Variants in RAB11FIP4 observed in about 807,000 individuals in gnomAD.
RAB11FIP4 encodes RAB11 family interacting protein 4.
RAB11FIP4 carries 23 observed loss-of-function variants against 74.3 expected under a neutral mutation model. The ratio of observed to expected loss-of-function variants is 0.31; its 90% CI spans 0.22 to 0.44. RAB11FIP4 has a LOEUF of 0.44. Ranked by LOEUF, RAB11FIP4 falls within the 20% of genes least tolerant of loss-of-function variation. The probability of loss-of-function intolerance (pLI) is 1.00; values close to 1 mark genes in which losing one functional copy is unlikely to be tolerated. For synonymous variants in RAB11FIP4, 360 were observed against 359.9 expected (o/e 1.00, Z 0.00); for missense variants, 630 against 863.9 (o/e 0.73, Z 3.39).
chr17:31,525,143 C>G lies in RAB11FIP4; in HGVS notation c.1187C>G (p.Ala396Gly). 6.5e-7 allele frequency: 1 copy of G among 1,550,036 alleles called. No individual in the cohort carries two copies. The highest frequency in any genetic ancestry group is 8.7e-7 in the Non-Finnish European group (1 of 1,147,034). The stretch of plus-strand genomic sequence containing the variant: ...GATCAGGAGACCACGGCCGAGCAGG[C>G]TCTGGAGGAGGAGGCGCGGCGCCAC... ...VKDQETTAEQ[A>G]LEEEARRHRE... Residue 396 changes from alanine to glycine, a missense_variant, in exon 10 of 15, where the codon GCT becomes GGT. Transcript: ENST00000621161.
intron 3 of RAB11FIP4, among the ~76,000 whole-genome samples, chr17:31,451,600 T>G (rs945619859): frequency 4.0e-5 from 6 of 151,884 alleles, no homozygotes; most frequent in Non-Finnish European, 8.8e-5. Flanking sequence ...ACCTTGCCCC[T>G]CCCAGATTCC....
chr17:31,447,277 C>A (rs1343539585), intron 3 of RAB11FIP4, among the ~76,000 whole-genome samples: 1 of 152,066 alleles, frequency 6.6e-6, no homozygotes, highest in Non-Finnish European at 1.5e-5. Context: ...GAGCGTGAGA[C>A]TCCGTCTCAA....
intron 1 of RAB11FIP4, among the ~76,000 whole-genome samples, chr17:31,409,377 A>C (rs2071072056): frequency 6.6e-6 from 1 of 152,178 alleles, no homozygotes; most frequent in African/African-American, 2.4e-5. Flanking sequence ...TGTTTCAACG[A>C]TGCTTGCTAT....
intron 1 of RAB11FIP4, among the ~76,000 whole-genome samples, chr17:31,400,568 C>T (rs1031264605): frequency 6.6e-6 from 1 of 152,192 alleles, no homozygotes; most frequent in Admixed American, 6.5e-5. Context: ...CGGGGAGAGG[C>T]AGGGAGACCA....
rs1054409930 is a variant in RAB11FIP4 at position 31,523,629 on chromosome 17, G to A, written c.1029+18G>A. The A allele has an allele frequency of 6.2e-7, 1 of 1,604,760 alleles. No individual in the cohort carries two copies. On this transcript the variant is annotated intron_variant, in intron 8 of 14. Transcript: ENST00000621161. ...CAGAGAAGGTGGGCCTTGGGTGGCT[G>A]GAGAAGGGACTGAATGCATGCCTGC...
rs2070873931 is a variant in RAB11FIP4 at position 31,391,844 on chromosome 17, C to G, written c.-9C>G. 2 of 1,073,068 alleles carry G rather than the reference C, an allele frequency of 1.9e-6. No individual in the cohort carries two copies. 66.5% of individuals were successfully genotyped at this position (1,073,068 alleles called of 1,614,324 possible). A position where few individuals can be genotyped will look rare whatever the true frequency, so the allele number is the denominator to read the frequency against. On this transcript the variant is annotated 5_prime_UTR_variant, in exon 1 of 15. Coordinates refer to ENST00000621161, the MANE Select transcript of RAB11FIP4 (RefSeq NM_032932.6). The stretch of plus-strand genomic sequence containing the variant: ...CGAGGGGTCCGGGCTGAGCTGCGGG[C>G]CGGCCCGGATGGCGGGCGGCGCGGG...
At chr17:31,513,862 C>G (rs1311983650) in intron 3 of RAB11FIP4, among the ~76,000 whole-genome samples, 1 of 152,140 alleles carries the variant, frequency 6.6e-6, no homozygotes, top group South Asian at 2.1e-4. Context: ...CCTGCAGGCC[C>G]TCTGTGAACT....
chr17:31,490,613 T>G (rs2071990257), intron 3 of RAB11FIP4, among the ~76,000 whole-genome samples: 1 of 151,974 alleles, frequency 6.6e-6, no homozygotes, highest in South Asian at 2.1e-4. Flanking sequence ...TGGAGTCAAG[T>G]GGTGTGATCA....
In RAB11FIP4 at chr17:31,521,433, G is replaced by A. The variant is rs1289174026; in HGVS notation, c.758+73G>A. On this transcript the variant is annotated intron_variant, in intron 5 of 14. Coordinates refer to ENST00000621161, the MANE Select transcript of RAB11FIP4 (RefSeq NM_032932.6). ...CAATTTAAGCACATCCTAGGGGGTG[G>A]GGGGGTGCGAGTCCTGAGCTGGCCC... is the stretch of plus-strand genomic sequence containing the variant. 5 of 1,349,238 alleles carry A rather than the reference G, an allele frequency of 3.7e-6. No homozygotes were observed. The African/African-American group carries it at 4.4e-5, about 12-fold the overall frequency. The allele number at this position is 1,349,238 out of a possible 1,614,324, so 83.6% of individuals were successfully genotyped here.
At chr17:31,447,266 A>T (rs2071476346) in intron 3 of RAB11FIP4, among the ~76,000 whole-genome samples, 2 of 152,214 alleles carry the variant, frequency 1.3e-5, no homozygotes. Context: ...CCTGGGCCAC[A>T]GAGCGTGAGA....
At chr17:31,433,711 C>T (rs1375627867) in intron 2 of RAB11FIP4, among the ~76,000 whole-genome samples, 1 of 152,164 alleles carries the variant, frequency 6.6e-6, no homozygotes, top group Non-Finnish European at 1.5e-5. Flanking sequence ...CGTTTGGAGT[C>T]CCTGCAAGCC....
Position 31,446,954 on chromosome 17 carries a change from A to G in RAB11FIP4, c.336+12832A>G, listed in dbSNP as rs183092251. 7.0e-4 allele frequency among the ~76,000 whole-genome samples: 107 copies of G among 152,348 alleles called. 1 individual carries two copies. The highest frequency in any genetic ancestry group is 1.4e-3 in the Non-Finnish European group (95 of 68,028). Reference sequence around the variant, plus strand: ...CCCTTGAGGCTAGGAGTTCAAGACCAGCTTGGACAGCAAAGTGAGACCCCC... The same window carrying G: ...CCCTTGAGGCTAGGAGTTCAAGACCGGCTTGGACAGCAAAGTGAGACCCCC... On this transcript the variant is annotated intron_variant, in intron 3 of 14. Transcript: ENST00000621161.
At chr17:31,501,804 A>G (rs546407625) in intron 3 of RAB11FIP4, 51 of 183,632 alleles carry the variant, frequency 2.8e-4, no homozygotes, top group Non-Finnish European at 5.9e-4. Context: ...CACCGCACCC[A>G]GCCCATCCCA....
At chr17:31,442,766 C>G (rs769846972) in intron 3 of RAB11FIP4, among the ~76,000 whole-genome samples, 5 of 152,012 alleles carry the variant, frequency 3.3e-5, no homozygotes, top group African/African-American at 4.8e-5. Context: ...TTGAGACCAG[C>G]CTGACCAACG....
At chr17:31,445,541 T>C (rs1282346500) in intron 3 of RAB11FIP4, among the ~76,000 whole-genome samples, 113 of 9,424 alleles carry the variant, frequency 0.012, 2 homozygotes, top group African/African-American at 0.042. Context: ...TTTATATATA[T>C]ATATATATAT....
intron 1 of RAB11FIP4, among the ~76,000 whole-genome samples, chr17:31,419,063 G>A (rs74256969): frequency 0.024 from 3,631 of 152,152 alleles, 236 homozygotes; most frequent in East Asian, 0.18. Flanking sequence ...TTTCTTTCCC[G>A]TAGCATAATC....
intron 1 of RAB11FIP4, among the ~76,000 whole-genome samples, chr17:31,429,632 G>A (rs2071286782): frequency 6.6e-6 from 1 of 152,148 alleles, no homozygotes; most frequent in Admixed American, 6.5e-5. Flanking sequence ...TTGGAGACCA[G>A]CCTGGCCAAC....
chr17:31,414,290 C>T (rs1466570336), intron 1 of RAB11FIP4, among the ~76,000 whole-genome samples: 1 of 152,242 alleles, frequency 6.6e-6, no homozygotes, highest in Non-Finnish European at 1.5e-5. Context: ...TTTTATTTCA[C>T]TCAAAAATAA....
At chr17:31,531,546 TG>T in intron 14 of RAB11FIP4, 69 bp from the exon 15 acceptor site, 1 of 1,022,626 alleles carries the variant, frequency 9.8e-7, no homozygotes, top group Non-Finnish European at 1.5e-6. Context: ...GCGACAAGCC[TG>T]GGAGTCTGGA....
Sources: gnomAD v4.1 joint callset for allele counts (sites outside exome capture counted in the v4.1 genomes callset) on GRCh38, gnomAD v4.1.1 for gene constraint, MANE v1.5 for transcripts, NCBI Gene and HGNC (gene_info 2026-07-23, HGNC 2026-07-21) for gene names.